PHACTR3: variants seen among roughly 807,000 people sequenced by gnomAD.
PHACTR3 encodes protein phosphatase 1, regulatory subunit 123.
A neutral mutation model predicts 66.8 loss-of-function variants in PHACTR3; 16 were observed. The observed-to-expected ratio is 0.24, with a 90% CI of 0.16 to 0.36. The LOEUF (loss-of-function observed/expected upper bound fraction) is 0.36. Ranked by LOEUF, PHACTR3 falls within the 10% of genes least tolerant of loss-of-function variation. The pLI, the probability that PHACTR3 is intolerant of heterozygous loss-of-function variation, is 1.00. For missense variants in PHACTR3, 647 were observed against 719.9 expected (o/e 0.90, Z 1.16); for synonymous variants, 323 against 292.1 (o/e 1.11, Z -1.08).
chr20:59,817,778 TC>T (rs1349879078), intron 8 of PHACTR3, among the ~76,000 whole-genome samples: 1 of 152,210 alleles, frequency 6.6e-6, no homozygotes, highest in African/African-American at 2.4e-5. Flanking sequence ...GAAATAGCCT[TC>T]ATGTAAATGT....
chr20:59,635,173 T>C (rs867425216), intron 1 of PHACTR3, among the ~76,000 whole-genome samples: 255 of 50,752 alleles, frequency 5.0e-3, no homozygotes, highest in East Asian at 0.018. Flanking sequence ...TTCTTTCCTT[T>C]CTTTCTTTCT....
chr20:59,809,932 C>T (rs569590701), intron 8 of PHACTR3, among the ~76,000 whole-genome samples: 1 of 152,248 alleles, frequency 6.6e-6, no homozygotes, highest in African/African-American at 2.4e-5. Flanking sequence ...CTATTTGTAC[C>T]GTGTTTAAAA....
intron 1 of PHACTR3, chr20:59,676,515 A>G (rs1235464221): frequency 1.3e-5 from 2 of 156,852 alleles, no homozygotes; most frequent in Admixed American, 1.3e-4. Flanking sequence ...GTTGACAGAT[A>G]ATAATGGTGT....
intron 11 of PHACTR3, among the ~76,000 whole-genome samples, chr20:59,842,760 G>A (rs2059086536): frequency 6.6e-6 from 1 of 152,116 alleles, no homozygotes; most frequent in Admixed American, 6.6e-5. Flanking sequence ...TTTCATTAGT[G>A]CCCTAAGCAT....
chr20:59,806,434 G>A (rs1042978584), intron 8 of PHACTR3, among the ~76,000 whole-genome samples: 2 of 152,182 alleles, frequency 1.3e-5, no homozygotes, highest in African/African-American at 2.4e-5. Flanking sequence ...TACACCTCCC[G>A]TGACAATCAA....
chr20:59,818,993 G>A (rs2041958921), intron 8 of PHACTR3, among the ~76,000 whole-genome samples: 1 of 152,108 alleles, frequency 6.6e-6, no homozygotes, highest in Admixed American at 6.5e-5. Flanking sequence ...GGGGAACTTG[G>A]GCTCTCAATC....
At chr20:59,783,711 C>G (rs537989755) in intron 7 of PHACTR3, among the ~76,000 whole-genome samples, 92 of 152,376 alleles carry the variant, frequency 6.0e-4, no homozygotes, top group African/African-American at 2.0e-3. Flanking sequence ...GTGCCAGGCA[C>G]TGCCCTGGGT....
chr20:59,801,465 T>C (rs1017562630), intron 7 of PHACTR3, among the ~76,000 whole-genome samples: 8 of 152,232 alleles, frequency 5.3e-5, no homozygotes, highest in African/African-American at 1.9e-4. Context: ...GCTTTTTACT[T>C]TGAAGACTCA....
intron 4 of PHACTR3, among the ~76,000 whole-genome samples, chr20:59,759,464 G>A (rs752509274): frequency 1.2e-4 from 19 of 152,168 alleles, no homozygotes; most frequent in Non-Finnish European, 2.1e-4. Context: ...AGCCAGGGTC[G>A]CTGGAGCTGA....
At chr20:59,643,564 T>C (rs1354263263) in intron 1 of PHACTR3, among the ~76,000 whole-genome samples, 1 of 152,230 alleles carries the variant, frequency 6.6e-6, no homozygotes, top group Non-Finnish European at 1.5e-5. Flanking sequence ...CATTTGCTCG[T>C]TCTTCACAGG....
chr20:59,707,799 T>C (rs933754398), intron 1 of PHACTR3, among the ~76,000 whole-genome samples: 2 of 152,134 alleles, frequency 1.3e-5, no homozygotes, highest in African/African-American at 4.8e-5. Context: ...ACGTGCCTGC[T>C]ACCCCTTCAC....
In PHACTR3 at chr20:59,624,955, C is replaced by T. The variant is rs76463754; in HGVS notation, c.118+19823C>T. Among the ~76,000 whole-genome samples, 1,183 of 152,044 alleles carry T rather than the reference C, an allele frequency of 7.8e-3. 15 individuals carry two copies. The highest frequency in any genetic ancestry group is 0.027 in the African/African-American group (1,125 of 41,458). Reference sequence around the variant, plus strand: ...TAGTATTTTTCTAATGCCCTTTTTCCATCCCAGGATGCCATCCAGATCCCG... The same window carrying T: ...TAGTATTTTTCTAATGCCCTTTTTCTATCCCAGGATGCCATCCAGATCCCG... On this transcript the variant is annotated intron_variant, in intron 1 of 12. Coordinates refer to ENST00000371015, the MANE Select transcript of PHACTR3 (RefSeq NM_080672.5).
intron 11 of PHACTR3, among the ~76,000 whole-genome samples, chr20:59,843,015 T>A (rs1447955686): frequency 6.6e-6 from 1 of 152,008 alleles, no homozygotes; most frequent in Non-Finnish European, 1.5e-5. Flanking sequence ...TCTGATAAAT[T>A]CACTAAAGCC....
chr20:59,688,874 T>C (rs1601109356), intron 1 of PHACTR3, among the ~76,000 whole-genome samples: 1 of 152,168 alleles, frequency 6.6e-6, no homozygotes, highest in South Asian at 2.1e-4. Context: ...AAGAGTGTTG[T>C]AGGAAGTAAG....
chr20:59,729,895 GAA>G (rs1396921595), intron 1 of PHACTR3, among the ~76,000 whole-genome samples: 3 of 152,190 alleles, frequency 2.0e-5, no homozygotes, highest in African/African-American at 7.2e-5. Flanking sequence ...GTGTGTCAGG[GAA>G]AGTCATTGAA....
At chr20:59,772,236 T>C (rs975595598) in intron 5 of PHACTR3, among the ~76,000 whole-genome samples, 13 of 152,104 alleles carry the variant, frequency 8.5e-5, no homozygotes, top group African/African-American at 2.9e-4. Flanking sequence ...GAGACTGTCA[T>C]TGATGGAAGG....
intron 1 of PHACTR3, among the ~76,000 whole-genome samples, chr20:59,686,685 G>C (rs1352102301): frequency 7.1e-6 from 1 of 141,668 alleles, no homozygotes; most frequent in Non-Finnish European, 1.6e-5. Flanking sequence ...TGATGATGGT[G>C]ATGATGATGA....
At chr20:59,702,561 T>C (rs950237639) in intron 1 of PHACTR3, among the ~76,000 whole-genome samples, 11 of 152,222 alleles carry the variant, frequency 7.2e-5, no homozygotes, top group African/African-American at 2.4e-4. Context: ...CTCTCTGAAG[T>C]GGCCTTGCCT....
At chr20:59,591,177 C>G (rs181427815) in intron 1 of PHACTR3, among the ~76,000 whole-genome samples, 1 of 152,192 alleles carries the variant, frequency 6.6e-6, no homozygotes, top group Non-Finnish European at 1.5e-5. Context: ...GCAATTTGCA[C>G]CAGCCCCAGC....
Sources: allele counts gnomAD v4.1 joint callset (sites outside exome capture counted in the v4.1 genomes callset), GRCh38; gene constraint gnomAD v4.1.1; transcripts MANE v1.5; gene names NCBI Gene and HGNC (gene_info 2026-07-23, HGNC 2026-07-21).